Variants in LRAT observed in about 807,000 individuals in gnomAD.
LRAT encodes lecithin retinol acyltransferase (phosphatidylcholine--retinol O-acyltransferase).
LRAT carries 11 observed loss-of-function variants against 14.2 expected under a neutral mutation model. That is an observed-to-expected ratio of 0.78 (90% CI 0.49 to 1.29). The LOEUF is 1.29. Among genes scored for constraint, LRAT ranks in the 50% most tolerant of loss-of-function variants. The pLI, the probability that LRAT is intolerant of heterozygous loss-of-function variation, is 0.00. For synonymous variants in LRAT, 144 were observed against 124.8 expected (o/e 1.15, Z -1.03); for missense variants, 274 against 292.4 (o/e 0.94, Z 0.46).
chr4:154,749,105 T>A lies in LRAT; in HGVS notation c.662T>A (p.Phe221Tyr). ...TCATACACTACCCTTCCTGCAATTT[T>A]TATTCCATTCTTCCTATGGATGGCT... is the stretch of plus-strand genomic sequence containing the variant. The part of the protein sequence containing the change: ...LVSYTTLPAI[F>Y]IPFFLWMAG The change falls in exon 3 of 3, where the codon TTT (phenylalanine) becomes TAT (tyrosine). Residue 221 changes from phenylalanine to tyrosine, a missense_variant. Coordinates refer to ENST00000336356, the MANE Select transcript of LRAT (RefSeq NM_004744.5). The A allele has an allele frequency of 6.2e-7, 1 of 1,613,864 alleles. No individual in the cohort carries two copies. Among genetic ancestry groups the A allele is most frequent in the Non-Finnish European group, 8.5e-7 (1 of 1,179,766 alleles).
At chr4:154,748,837 A>G (rs1457955061) in intron 2 of LRAT, 147 bp from the exon 3 acceptor site, 34 of 745,244 alleles carry the variant, frequency 4.6e-5, no homozygotes, top group Non-Finnish European at 7.2e-5. Flanking sequence ...GACTCTTAAC[A>G]TTGTAAATTT....
intron 2 of LRAT, 121 bp downstream of exon 2, chr4:154,744,987 AC>A (rs1325687485): frequency 4.2e-6 from 3 of 716,142 alleles, no homozygotes; most frequent in Non-Finnish European, 6.8e-6. Flanking sequence ...CCACTTCCAT[AC>A]CATCCTTTTT....
chr4:154,749,321 T>G lies in LRAT; in HGVS notation c.*185T>G, dbSNP rs974708065. On this transcript the variant is annotated 3_prime_UTR_variant, in exon 3 of 3. Transcript: ENST00000336356. ...CCCAAGAACAAAGGCTTTCTGAATC[T>G]TCTCAGGCAGTTCAGATTTAAAGCA... 1.9e-5 allele frequency: 12 copies of G among 641,230 alleles called. No homozygotes were observed. The highest frequency in any genetic ancestry group is 3.3e-5 in the Non-Finnish European group (12 of 368,400). 39.7% of individuals were successfully genotyped at this position (641,230 alleles called of 1,614,324 possible). A position where few individuals can be genotyped will look rare whatever the true frequency, so the allele number is the denominator to read the frequency against.
intron 2 of LRAT, among the ~76,000 whole-genome samples, chr4:154,748,016 A>G (rs1257537940): frequency 6.6e-6 from 1 of 152,172 alleles, no homozygotes; most frequent in Non-Finnish European, 1.5e-5. Context: ...AAACCCTAAA[A>G]GAACATAAAA....
intron 2 of LRAT, chr4:154,748,291 G>A: frequency 1.0e-6 from 1 of 981,672 alleles, no homozygotes; most frequent in African/African-American, 1.7e-5. Context: ...TAGCCAATAA[G>A]AGCTGGAGCC....
intron 2 of LRAT, 77 bp downstream of exon 2, chr4:154,744,943 C>A: frequency 7.1e-7 from 1 of 1,416,488 alleles, no homozygotes. Context: ...CTCTTCCCCG[C>A]GAGTAGGGAT....
intron 2 of LRAT, among the ~76,000 whole-genome samples, chr4:154,747,733 T>C (rs201823): frequency 0.35 from 53,770 of 152,018 alleles, 10,178 homozygotes; most frequent in East Asian, 0.67. Context: ...CCTTTTCTCC[T>C]TGTCCTGAAA....
chr4:154,742,490 G>A (rs1279019736), upstream of LRAT, among the ~76,000 whole-genome samples: 1 of 152,132 alleles, frequency 6.6e-6, no homozygotes, highest in African/African-American at 2.4e-5. Context: ...TCGTCTTCCA[G>A]GTAAAATGAA....
rs1174145296 is a variant in LRAT at position 154,744,602 on chromosome 4, C to T, written c.276C>T (p.Val92=). 6.2e-7 allele frequency: 1 copy of T among 1,614,200 alleles called. No homozygotes were observed. The stretch of plus-strand genomic sequence containing the variant: ...ACATGGGGCGCACGCAGAAGGTGGT[C>T]TCCAACAAGCGTCTCATCCTGGGCG... The part of the protein sequence containing the change: ...TDDMGRTQKV[V]SNKRLILGVI... Residue 92 remains valine, a synonymous_variant, in exon 2 of 3, where the codon GTC becomes GTT. Coordinates refer to ENST00000336356, the MANE Select transcript of LRAT (RefSeq NM_004744.5).
rs1375314254 is a variant in LRAT at position 154,751,962 on chromosome 4, T to C, written c.*2826T>C. 1 of 152,118 alleles carries C rather than the reference T, an allele frequency of 6.6e-6. No homozygotes were observed. The highest frequency in any genetic ancestry group is 1.5e-5 in the Non-Finnish European group (1 of 68,032). 9.4% of individuals were successfully genotyped at this position (152,118 alleles called of 1,614,324 possible). A position where few individuals can be genotyped will look rare whatever the true frequency, so the allele number is the denominator to read the frequency against. Reference sequence around the variant, plus strand: ...TGCTTATTTTATTCTTTGTCACAGATGAAAGAAGAATAGGACTAATTGGGG... The same window carrying C: ...TGCTTATTTTATTCTTTGTCACAGACGAAAGAAGAATAGGACTAATTGGGG... On this transcript the variant is annotated 3_prime_UTR_variant, in exon 3 of 3. Coordinates refer to ENST00000336356, the MANE Select transcript of LRAT (RefSeq NM_004744.5).
In LRAT at chr4:154,751,791, T is replaced by C. The variant is rs1733002596; in HGVS notation, c.*2655T>C. 6.8e-6 allele frequency: 1 copy of C among 147,060 alleles called. No homozygotes were observed. The highest frequency in any genetic ancestry group is 2.5e-5 in the African/African-American group (1 of 39,832). The allele number at this position is 147,060 out of a possible 1,614,324, so 9.1% of individuals were successfully genotyped here. A position where few individuals can be genotyped will look rare whatever the true frequency, so the allele number is the denominator to read the frequency against. ...AAGAAGAAACCCTGAGCCATTAATG[T>C]GTCTCGTAACTTGAGGAAGTTCATG... is the stretch of plus-strand genomic sequence containing the variant. On this transcript the variant is annotated 3_prime_UTR_variant, in exon 3 of 3. Transcript: ENST00000336356.
chr4:154,748,751 T>C (rs140847825), intron 2 of LRAT, among the ~76,000 whole-genome samples: 3 of 152,300 alleles, frequency 2.0e-5, no homozygotes, highest in African/African-American at 7.2e-5. Flanking sequence ...ATAAATGCTG[T>C]ATTTACATAG....
chr4:154,747,244 A>G (rs1732900435), intron 2 of LRAT, among the ~76,000 whole-genome samples: 1 of 152,184 alleles, frequency 6.6e-6, no homozygotes, highest in Non-Finnish European at 1.5e-5. Flanking sequence ...CTTTGTGGTA[A>G]CACTCTATTT....
chr4:154,745,393 AG>A (rs1732868257), intron 2 of LRAT: 1 of 161,716 alleles, frequency 6.2e-6, no homozygotes. Context: ...TAAGTAAATA[AG>A]CAAATGGCAA....
In LRAT at chr4:154,744,066, C is replaced by T. The variant is rs1732822959; in HGVS notation, c.-158C>T. The T allele has an allele frequency of 5.6e-6, 3 of 538,936 alleles. No individual in the cohort carries two copies. The highest frequency in any genetic ancestry group is 1.0e-5 in the Non-Finnish European group (3 of 297,366). 33.4% of individuals were successfully genotyped at this position (538,936 alleles called of 1,614,324 possible). ...GCGCTCCTTCTCCGGCTGCTTGTAG[C>T]ACTGGTCTCACTGTCCCCGCCGTCA... On this transcript the variant is annotated 5_prime_UTR_variant, in exon 1 of 3. Coordinates refer to ENST00000336356, the MANE Select transcript of LRAT (RefSeq NM_004744.5).
In LRAT at chr4:154,748,991, A is replaced by G; in HGVS notation, c.548A>G (p.Glu183Gly). ...CAATATTTTATTTTCCAGTTTTGTG[A>G]GACTGTGAAGATAATTATTCGTGAT... ...PISPQSDKFC[E>G]TVKIIIRDQR... Residue 183 changes from glutamate to glycine, a missense_variant, in exon 3 of 3, where the codon GAG (glutamate) becomes GGG (glycine). Coordinates refer to ENST00000336356, the MANE Select transcript of LRAT (RefSeq NM_004744.5). 1 of 1,613,554 alleles carries G rather than the reference A, an allele frequency of 6.2e-7. No homozygotes were observed. The highest frequency in any genetic ancestry group is 1.1e-5 in the South Asian group (1 of 91,070).
intron 2 of LRAT, among the ~76,000 whole-genome samples, chr4:154,745,751 C>A (rs1732874276): frequency 6.6e-6 from 1 of 152,184 alleles, no homozygotes; most frequent in African/African-American, 2.4e-5. Flanking sequence ...TATAAGCTAT[C>A]AAAATTCCCA....
rs1270387055 is a variant in LRAT, at chr4:154,750,024, G to T, written c.*888G>T. ...TCATCATACTAGTGTGTTCATTATA[G>T]AGTATCTGTAGAGGTGAATGTAAAA... On this transcript the variant is annotated 3_prime_UTR_variant, in exon 3 of 3. Coordinates refer to ENST00000336356, the MANE Select transcript of LRAT (RefSeq NM_004744.5). 6.6e-6 allele frequency: 1 copy of T among 152,096 alleles called. No individual in the cohort carries two copies. The highest frequency in any genetic ancestry group is 2.4e-5 in the African/African-American group (1 of 41,422). 9.4% of individuals were successfully genotyped at this position (152,096 alleles called of 1,614,324 possible).
Position 154,749,249 on chromosome 4 carries a change from T to C in LRAT, c.*113T>C, listed in dbSNP as rs971454075. The C allele has an allele frequency of 3.4e-6, 4 of 1,189,848 alleles. No homozygotes were observed. In the African/African-American group the frequency reaches 6.0e-5, roughly 18 times the overall value. 73.7% of individuals were successfully genotyped at this position (1,189,848 alleles called of 1,614,324 possible). ...AAATGTGACCCGTAACACTGTGTTC[T>C]GGATAAAAATGTGATTAGGAATCAC... On this transcript the variant is annotated 3_prime_UTR_variant, in exon 3 of 3. Transcript: ENST00000336356.
Sources: allele counts gnomAD v4.1 joint callset (sites outside exome capture counted in the v4.1 genomes callset), GRCh38; gene constraint gnomAD v4.1.1; transcripts MANE v1.5; gene names NCBI Gene and HGNC (gene_info 2026-07-23, HGNC 2026-07-21).